The following WAC variants were observed in gnomAD, a reference collection of about 807,000 sequenced individuals.
WAC encodes the protein WW domain containing adaptor with coiled-coil.
In WAC, 11 loss-of-function variants were observed where a neutral mutation model predicts 79.6. The observed-to-expected ratio is 0.14, with a 90% confidence interval of 0.09 to 0.23. The LOEUF (loss-of-function observed/expected upper bound fraction) is 0.23, where lower values mean the gene tolerates loss of function less well. Among genes scored for constraint, WAC ranks in the 10% least tolerant of loss-of-function variants. WAC has a pLI of 1.00. For synonymous variants in WAC, 304 were observed against 276.9 expected (o/e 1.10, Z -0.97); for missense variants, 728 against 773.5 (o/e 0.94, Z 0.70).
chr10:28,551,107 G>T (rs1364133262), intron 3 of WAC, among the ~76,000 whole-genome samples: 1 of 152,060 alleles, frequency 6.6e-6, no homozygotes, highest in Non-Finnish European at 1.5e-5. Context: ...TAATAGGGGG[G>T]ATATTTTGGG....
At chr10:28,601,205 G>A (rs894443928) in intron 7 of WAC, among the ~76,000 whole-genome samples, 10 of 152,100 alleles carry the variant, frequency 6.6e-5, no homozygotes, top group Non-Finnish European at 1.0e-4. Context: ...ATATGTAGAA[G>A]TCCAGCTTAA....
intron 3 of WAC, among the ~76,000 whole-genome samples, chr10:28,549,358 CT>C (rs1310317390): frequency 6.6e-6 from 1 of 152,156 alleles, no homozygotes; most frequent in Non-Finnish European, 1.5e-5. Flanking sequence ...GTATCTCATG[CT>C]TCTTTTAATC....
chr10:28,569,880 G>C (rs770398538), intron 3 of WAC, among the ~76,000 whole-genome samples: 2 of 152,164 alleles, frequency 1.3e-5, no homozygotes, highest in African/African-American at 2.4e-5. Flanking sequence ...GTGGCAATAT[G>C]TACTTTCCCT....
intron 3 of WAC, among the ~76,000 whole-genome samples, chr10:28,538,866 TAAAA>T (rs5784069): frequency 2.4e-5 from 3 of 126,890 alleles, no homozygotes; most frequent in African/African-American, 3.0e-5. Flanking sequence ...CCCGTCTGTT[TAAAA>T]AAAAAAAAAA....
At chr10:28,607,383 A>G (rs1354197165) in intron 7 of WAC, among the ~76,000 whole-genome samples, 1 of 152,174 alleles carries the variant, frequency 6.6e-6, no homozygotes, top group African/African-American at 2.4e-5. Flanking sequence ...GATTTATGTT[A>G]CTAGCTTGTC....
At chr10:28,548,392 C>A (rs1424851497) in intron 3 of WAC, among the ~76,000 whole-genome samples, 3 of 151,984 alleles carry the variant, frequency 2.0e-5, no homozygotes, top group Non-Finnish European at 2.9e-5. Context: ...TGGTTCTATT[C>A]TACTTCTCTT....
At chr10:28,587,233 G>A (rs1839864261) in intron 4 of WAC, among the ~76,000 whole-genome samples, 1 of 152,198 alleles carries the variant, frequency 6.6e-6, no homozygotes, top group African/African-American at 2.4e-5. Context: ...TAACATCTTT[G>A]TGAAAAGTAA....
At chr10:28,590,311 CAA>C (rs34562281) in intron 5 of WAC, among the ~76,000 whole-genome samples, 4,303 of 103,242 alleles carry the variant, frequency 0.042, 94 homozygotes, top group African/African-American at 0.096. Context: ...GATGCTATCT[CAA>C]AAAAAAAAAA....
intron 3 of WAC, among the ~76,000 whole-genome samples, chr10:28,552,092 C>T (rs1397900017): frequency 4.6e-5 from 7 of 152,212 alleles, no homozygotes; most frequent in Admixed American, 2.0e-4. Context: ...GGATTTTAGG[C>T]GTGAGCCACC....
At chr10:28,546,821 T>C (rs1257150178) in intron 3 of WAC, among the ~76,000 whole-genome samples, 4 of 152,072 alleles carry the variant, frequency 2.6e-5, no homozygotes, top group Non-Finnish European at 4.4e-5. Flanking sequence ...TGAAGAGTTA[T>C]CTCGTTTTTT....
At chr10:28,562,450 T>G (rs558589660) in intron 3 of WAC, among the ~76,000 whole-genome samples, 2 of 152,200 alleles carry the variant, frequency 1.3e-5, no homozygotes, top group Non-Finnish European at 2.9e-5. Context: ...ATTGATCATT[T>G]TACAACCATG....
chr10:28,593,730 C>CAA (rs66821014), intron 6 of WAC, among the ~76,000 whole-genome samples: 8 of 143,594 alleles, frequency 5.6e-5, no homozygotes, highest in Non-Finnish European at 9.2e-5. Flanking sequence ...GAGACTCTCT[C>CAA]AAAAAAAAAA....
intron 3 of WAC, among the ~76,000 whole-genome samples, chr10:28,547,811 C>G (rs1325119227): frequency 2.6e-5 from 4 of 151,748 alleles, no homozygotes; most frequent in African/African-American, 9.7e-5. Context: ...ATCCTTGGAT[C>G]TAAAACTTCA....
In WAC at chr10:28,537,240, T is replaced by C. The variant is rs1472890703; in HGVS notation, c.274+1483T>C. 2.6e-5 allele frequency among the ~76,000 whole-genome samples: 4 copies of C among 152,218 alleles called. No individual in the cohort carries two copies. The East Asian group carries it at 5.8e-4, about 22-fold the overall frequency. On this transcript the variant is annotated intron_variant, in intron 3 of 13. Transcript: ENST00000354911. ...TTGATTATTAAAGTGTTACAAGTTATTGGGTTGCAAAATTAAGCTTTTAGA... is the reference window on the plus strand; with the variant it reads ...TTGATTATTAAAGTGTTACAAGTTACTGGGTTGCAAAATTAAGCTTTTAGA...
intron 6 of WAC, among the ~76,000 whole-genome samples, chr10:28,592,985 G>A (rs961017489): frequency 7.2e-5 from 11 of 152,004 alleles, no homozygotes; most frequent in African/African-American, 2.7e-4. Context: ...TGAATACTTG[G>A]GAGGTTTTCA....
At chr10:28,584,551 T>C (rs1773252929) in intron 4 of WAC, among the ~76,000 whole-genome samples, 2 of 152,068 alleles carry the variant, frequency 1.3e-5, no homozygotes, top group Admixed American at 1.3e-4. Flanking sequence ...TAAAAAATTA[T>C]CTCGGGTAGC....
At chr10:28,550,905 C>T (rs1837631110) in intron 3 of WAC, among the ~76,000 whole-genome samples, 1 of 152,280 alleles carries the variant, frequency 6.6e-6, no homozygotes, top group Middle Eastern at 3.4e-3. Flanking sequence ...GTGTCCGTTG[C>T]ATTAGTATAA....
At chr10:28,551,784 T>TTGTGTGTGTGTGTGTGTGTGTGTG (rs71769370) in intron 3 of WAC, among the ~76,000 whole-genome samples, 3 of 124,808 alleles carry the variant, frequency 2.4e-5, no homozygotes, top group Admixed American at 9.1e-5. Flanking sequence ...TCCTGTCTAC[T>TTGTGTGTGTGTGTGTGTGTGTGTG]TGTGTGTGTG....
At chr10:28,559,847 G>C (rs917894343) in intron 3 of WAC, among the ~76,000 whole-genome samples, 1 of 152,150 alleles carries the variant, frequency 6.6e-6, no homozygotes, top group Admixed American at 6.5e-5. Flanking sequence ...CTCTGGGCCT[G>C]ATGAAAGGGT....
Sources: gnomAD v4.1 joint callset for allele counts (sites outside exome capture counted in the v4.1 genomes callset) on GRCh38, gnomAD v4.1.1 for gene constraint, MANE v1.5 for transcripts, NCBI Gene and HGNC (gene_info 2026-07-23, HGNC 2026-07-21) for gene names.